Variants in RGS6 observed in about 807,000 individuals in gnomAD.
The protein encoded by RGS6 is regulator of G-protein signaling 6.
A neutral mutation model predicts 78.5 loss-of-function variants in RGS6; 30 were observed. That is an observed-to-expected ratio of 0.38 (90% CI 0.29 to 0.52). The LOEUF is 0.52. RGS6 is among the 20% of genes least tolerant of loss of function. The probability of loss-of-function intolerance (pLI) is 0.85; values close to 1 mark genes in which losing one functional copy is unlikely to be tolerated. For synonymous variants in RGS6, 206 were observed against 206.0 expected, an observed-to-expected ratio of 1.00 and a Z score of 0.00; for missense variants, 495 against 609.7, an observed-to-expected ratio of 0.81 and a Z score of 1.98.
intron 2 of RGS6, among the ~76,000 whole-genome samples, chr14:72,019,656 G>A (rs1356259276): frequency 6.6e-6 from 1 of 152,166 alleles, no homozygotes; most frequent in Non-Finnish European, 1.5e-5. Context: ...AAGGCTATAG[G>A]GATGTGGATT....
At position 72,265,938 on chromosome 14, in the gene RGS6, T is replaced by TG. The variant is rs5809568; in HGVS notation, c.85-86146dup. On this transcript the variant is annotated intron_variant, in intron 2 of 17. Coordinates refer to ENST00000553525, the MANE Select transcript of RGS6 (RefSeq NM_001204424.2). ...CTAACTATCAGTCCTATCGCTTTTT[T>TG]GGGGGGGGGGGCGGGAGGCAGGTGG... 1.3e-4 allele frequency among the ~76,000 whole-genome samples: 17 copies of TG among 130,928 alleles called. No homozygotes were observed. The South Asian group carries it at 1.6e-3, about 13-fold the overall frequency. The allele number at this position is 130,928 out of a possible 152,430, so 85.9% of individuals were successfully genotyped here.
At chr14:72,245,575 G>C (rs7155820) in intron 2 of RGS6, among the ~76,000 whole-genome samples, 3,230 of 152,314 alleles carry the variant, frequency 0.021, 61 homozygotes, top group African/African-American at 0.049. Flanking sequence ...CTCCCTGGGC[G>C]GGCCAGGTGT....
chr14:72,427,269 T>C (rs572402684), intron 3 of RGS6, among the ~76,000 whole-genome samples: 3 of 152,244 alleles, frequency 2.0e-5, no homozygotes, highest in African/African-American at 4.8e-5. Context: ...TTTTCTCTTA[T>C]TAGTTGTTGT....
intron 2 of RGS6, among the ~76,000 whole-genome samples, chr14:72,194,789 C>T (rs1218120618): frequency 6.6e-6 from 1 of 152,126 alleles, no homozygotes; most frequent in Non-Finnish European, 1.5e-5. Flanking sequence ...GACCCTGGGG[C>T]AGGGGAGCAG....
chr14:72,417,550 C>T (rs1487865503), intron 3 of RGS6, among the ~76,000 whole-genome samples: 9 of 152,186 alleles, frequency 5.9e-5, no homozygotes, highest in Non-Finnish European at 1.3e-4. Flanking sequence ...CTCTGGCACT[C>T]TCTATTGACA....
At chr14:72,176,975 TAAATG>T (rs887769874) in intron 2 of RGS6, among the ~76,000 whole-genome samples, 6 of 152,194 alleles carry the variant, frequency 3.9e-5, no homozygotes, top group Non-Finnish European at 5.9e-5. Context: ...TAACTTAACA[TAAATG>T]AAATGATATG....
chr14:72,168,287 C>T (rs79145067), intron 2 of RGS6, among the ~76,000 whole-genome samples: 3,018 of 152,096 alleles, frequency 0.02, 115 homozygotes, highest in African/African-American at 0.068. Flanking sequence ...GATGGTCCCC[C>T]ACAGGCCTCG....
intron 13 of RGS6, among the ~76,000 whole-genome samples, chr14:72,499,900 A>G (rs2096699455): frequency 6.6e-6 from 1 of 152,112 alleles, no homozygotes; most frequent in South Asian, 2.1e-4. Flanking sequence ...CTTTCTAAAT[A>G]GAATGATTTC....
At chr14:72,221,734 A>G (rs186380927) in intron 2 of RGS6, among the ~76,000 whole-genome samples, 25 of 152,334 alleles carry the variant, frequency 1.6e-4, no homozygotes, top group Admixed American at 1.4e-3. Flanking sequence ...CCCTTGAAAA[A>G]GTGAAAATTC....
chr14:72,401,751 T>C (rs775372869), intron 3 of RGS6, among the ~76,000 whole-genome samples: 10 of 151,906 alleles, frequency 6.6e-5, no homozygotes, highest in Admixed American at 5.2e-4. Flanking sequence ...ACATAAAGCA[T>C]CCAAACCTGA....
chr14:72,035,362 T>G (rs973414499), intron 2 of RGS6, among the ~76,000 whole-genome samples: 15 of 28,714 alleles, frequency 5.2e-4, no homozygotes, highest in Non-Finnish European at 8.9e-4. Flanking sequence ...TTGATTTTTG[T>G]TATTTGAATC....
intron 2 of RGS6, among the ~76,000 whole-genome samples, chr14:72,264,976 G>C (rs939621206): frequency 6.6e-6 from 1 of 152,194 alleles, no homozygotes; most frequent in Non-Finnish European, 1.5e-5. Flanking sequence ...CCTGATGCCT[G>C]CCAGGAGGGA....
rs577039880 is a variant in RGS6, at chr14:72,265,224, G to T, written c.85-86871G>T. Among the ~76,000 whole-genome samples, 58 of 152,268 alleles carry T rather than the reference G, an allele frequency of 3.8e-4. 1 individual carries two copies. Among genetic ancestry groups the T allele is most frequent in the Non-Finnish European group, 8.8e-5 (6 of 68,018 alleles). On this transcript the variant is annotated intron_variant, in intron 2 of 17. Coordinates refer to ENST00000553525, the MANE Select transcript of RGS6 (RefSeq NM_001204424.2). Reference sequence around the variant, plus strand: ...TGGTGTTAAATTAGTGGGGTGTGGTGGGCATGGTGACACGGTGCTGGGCAT... The same window carrying T: ...TGGTGTTAAATTAGTGGGGTGTGGTTGGCATGGTGACACGGTGCTGGGCAT...
At chr14:71,873,245 C>A in the RGS6 span, among the ~76,000 whole-genome samples, 9 of 152,112 alleles carry the variant, frequency 5.9e-5, no homozygotes, top group African/African-American at 2.2e-4. Context: ...TAAACTAGTT[C>A]ACAGTCCCAC....
At chr14:72,270,222 C>T (rs1396742721) in intron 2 of RGS6, among the ~76,000 whole-genome samples, 1 of 151,848 alleles carries the variant, frequency 6.6e-6, no homozygotes, top group African/African-American at 2.4e-5. Flanking sequence ...AAGATTTCAG[C>T]CATGTACAAC....
At chr14:72,021,724 G>A (rs542816997) in intron 2 of RGS6, among the ~76,000 whole-genome samples, 5 of 151,756 alleles carry the variant, frequency 3.3e-5, no homozygotes, top group Admixed American at 6.6e-5. Context: ...CACCCTCCTC[G>A]GCCTCCCATA....
chr14:71,939,104 G>A (rs1471706127), intron 1 of RGS6, among the ~76,000 whole-genome samples: 1 of 152,112 alleles, frequency 6.6e-6, no homozygotes, highest in Non-Finnish European at 1.5e-5. Context: ...CAGCCTTTCG[G>A]GTCACTCAAT....
chr14:72,280,338 A>T (rs975252030), intron 2 of RGS6, among the ~76,000 whole-genome samples: 7 of 152,240 alleles, frequency 4.6e-5, no homozygotes, highest in Non-Finnish European at 8.8e-5. Context: ...AAAACTCTAC[A>T]AAGTAAAAGA....
chr14:72,106,891 C>A (rs901065826), intron 2 of RGS6, among the ~76,000 whole-genome samples: 1 of 152,022 alleles, frequency 6.6e-6, no homozygotes, highest in Non-Finnish European at 1.5e-5. Flanking sequence ...TTAGTCCTGT[C>A]CTTTTGCTAA....
Sources: gnomAD v4.1 joint callset for allele counts (sites outside exome capture counted in the v4.1 genomes callset) on GRCh38, gnomAD v4.1.1 for gene constraint, MANE v1.5 for transcripts, NCBI Gene and HGNC (gene_info 2026-07-23, HGNC 2026-07-21) for gene names.